The following KCNK1 variants were observed in gnomAD, a reference collection of about 807,000 sequenced individuals.
KCNK1 encodes potassium channel subfamily K member 1.
KCNK1 carries 10 observed loss-of-function variants against 22.2 expected under a neutral mutation model. The ratio of observed to expected loss-of-function variants is 0.45; its 90% CI spans 0.28 to 0.76. The LOEUF (loss-of-function observed/expected upper bound fraction) is 0.76, where lower values mean the gene tolerates loss of function less well. Among genes scored for constraint, KCNK1 ranks in the 30% least tolerant of loss-of-function variants. KCNK1 has a pLI of 0.14. For missense variants in KCNK1, 378 were observed against 421.0 expected (o/e 0.90, Z 0.89); for synonymous variants, 200 against 186.4 (o/e 1.07, Z -0.60).
chr1:233,663,233 AG>A (rs1658434207), intron 1 of KCNK1, among the ~76,000 whole-genome samples: 1 of 152,224 alleles, frequency 6.6e-6, no homozygotes, highest in Admixed American at 6.5e-5. Context: ...TGTACACATC[AG>A]GAGAGGAAAA....
chr1:233,649,331 A>G (rs1658158174), intron 1 of KCNK1, among the ~76,000 whole-genome samples: 1 of 152,186 alleles, frequency 6.6e-6, no homozygotes, highest in Non-Finnish European at 1.5e-5. Context: ...AAGCATGAGG[A>G]GTGCTGGAAG....
chr1:233,626,120 C>T (rs538359328), intron 1 of KCNK1, among the ~76,000 whole-genome samples: 83 of 148,994 alleles, frequency 5.6e-4, no homozygotes, highest in Non-Finnish European at 9.6e-4. Flanking sequence ...AGGGGGTCAT[C>T]GGACCACCGA....
intron 1 of KCNK1, among the ~76,000 whole-genome samples, chr1:233,620,546 A>T (rs1657564284): frequency 6.6e-6 from 1 of 152,152 alleles, no homozygotes; most frequent in Admixed American, 6.5e-5. Flanking sequence ...TACACTTCAC[A>T]TTGTGATTAT....
intron 1 of KCNK1, among the ~76,000 whole-genome samples, chr1:233,630,244 A>G (rs926860622): frequency 6.6e-6 from 1 of 152,184 alleles, no homozygotes; most frequent in South Asian, 2.1e-4. Flanking sequence ...AGTTGCTGCA[A>G]TCGTGTTTAT....
At chr1:233,645,130 G>T (rs557636047) in intron 1 of KCNK1, among the ~76,000 whole-genome samples, 68 of 151,600 alleles carry the variant, frequency 4.5e-4, no homozygotes, top group Non-Finnish European at 7.8e-4. Context: ...GGAGGCAGAG[G>T]TTGCAGTGAG....
chr1:233,620,223 G>C (rs2102881233), intron 1 of KCNK1, among the ~76,000 whole-genome samples: 1 of 152,250 alleles, frequency 6.6e-6, no homozygotes, highest in South Asian at 2.1e-4. Flanking sequence ...TTGAATAGTT[G>C]AACAGAAACC....
chr1:233,662,732 C>T (rs1040765077), intron 1 of KCNK1, among the ~76,000 whole-genome samples: 1 of 152,176 alleles, frequency 6.6e-6, no homozygotes, highest in African/African-American at 2.4e-5. Flanking sequence ...GGAAACCCAG[C>T]AGTTGTGGAG....
chr1:233,668,191 T>G (rs6699231), intron 2 of KCNK1, among the ~76,000 whole-genome samples: 46,231 of 152,062 alleles, frequency 0.3, 7,529 homozygotes, highest in East Asian at 0.43. Context: ...CTTGCCTTCT[T>G]AAGAATTTTT....
chr1:233,662,828 C>T (rs1233746539), intron 1 of KCNK1, among the ~76,000 whole-genome samples: 1 of 152,052 alleles, frequency 6.6e-6, no homozygotes, highest in African/African-American at 2.4e-5. Context: ...TTTCAGCAGT[C>T]TTTGTTATGT....
At chr1:233,622,159 T>C (rs954890277) in intron 1 of KCNK1, among the ~76,000 whole-genome samples, 4 of 152,186 alleles carry the variant, frequency 2.6e-5, no homozygotes, top group Non-Finnish European at 4.4e-5. Context: ...TGTGTGTGAG[T>C]GTCTATTGTC....
chr1:233,659,479 A>G (rs1658354792), intron 1 of KCNK1, among the ~76,000 whole-genome samples: 1 of 151,076 alleles, frequency 6.6e-6, no homozygotes, highest in East Asian at 2.0e-4. Context: ...CAAGTCCTGT[A>G]GAAGGAATAC....
At chr1:233,642,170 T>C (rs190238109) in intron 1 of KCNK1, among the ~76,000 whole-genome samples, 17 of 152,358 alleles carry the variant, frequency 1.1e-4, no homozygotes, top group South Asian at 4.1e-4. Flanking sequence ...AGTCATGTTC[T>C]GGTCTCTCAC....
At chr1:233,616,045 A>G (rs1258253346) in intron 1 of KCNK1, among the ~76,000 whole-genome samples, 2 of 151,960 alleles carry the variant, frequency 1.3e-5, no homozygotes, top group African/African-American at 4.8e-5. Flanking sequence ...TCTTTCCATA[A>G]CTCTGCCTCC....
At chr1:233,657,168 T>A (rs1200027132) in intron 1 of KCNK1, among the ~76,000 whole-genome samples, 1 of 152,136 alleles carries the variant, frequency 6.6e-6, no homozygotes, top group Non-Finnish European at 1.5e-5. Context: ...TGAGTTTAAT[T>A]TAGCTTGGTG....
chr1:233,662,765 A>G (rs1658421214), intron 1 of KCNK1, among the ~76,000 whole-genome samples: 1 of 152,174 alleles, frequency 6.6e-6, no homozygotes, highest in South Asian at 2.1e-4. Flanking sequence ...ATACAAGAAC[A>G]TTAGTGAGTG....
At chr1:233,643,796 C>T (rs1658043186) in intron 1 of KCNK1, among the ~76,000 whole-genome samples, 2 of 152,298 alleles carry the variant, frequency 1.3e-5, no homozygotes, top group South Asian at 4.1e-4. Flanking sequence ...ACCCCTCTAC[C>T]CGACCCCAAA....
chr1:233,645,837 C>T (rs904975703), intron 1 of KCNK1, among the ~76,000 whole-genome samples: 5 of 151,950 alleles, frequency 3.3e-5, no homozygotes, highest in South Asian at 2.1e-4. Flanking sequence ...GTGGGAATAG[C>T]GAGAAGTGCT....
At chr1:233,643,305 G>A (rs1317419916) in intron 1 of KCNK1, among the ~76,000 whole-genome samples, 1 of 152,152 alleles carries the variant, frequency 6.6e-6, no homozygotes, top group Non-Finnish European at 1.5e-5. Context: ...CAGAGAGTGG[G>A]GAGGCTGTGG....
intron 1 of KCNK1, among the ~76,000 whole-genome samples, chr1:233,624,810 G>C (rs144627467): frequency 8.5e-5 from 13 of 152,112 alleles, no homozygotes; most frequent in African/African-American, 2.9e-4. Flanking sequence ...GAGAAGAGAG[G>C]CATTCATTCC....
Sources: gnomAD v4.1 joint callset for allele counts (sites outside exome capture counted in the v4.1 genomes callset) on GRCh38, gnomAD v4.1.1 for gene constraint, MANE v1.5 for transcripts, NCBI Gene and HGNC (gene_info 2026-07-23, HGNC 2026-07-21) for gene names.